ZBTB20: variants seen among roughly 807,000 people sequenced by gnomAD.
ZBTB20 encodes the protein zinc finger and BTB domain-containing protein 20.
A neutral mutation model predicts 56.9 loss-of-function variants in ZBTB20; 9 were observed. The observed-to-expected ratio is 0.16, with a 90% CI of 0.10 to 0.28. The LOEUF (loss-of-function observed/expected upper bound fraction) is 0.28, where lower values mean the gene tolerates loss of function less well. ZBTB20 is among the 10% of genes least tolerant of loss of function. The pLI is 1.00. For missense variants in ZBTB20, 655 were observed against 1,003.0 expected (o/e 0.65, Z 4.69); for synonymous variants, 417 against 420.7 (o/e 0.99, Z 0.11).
At chr3:114,365,091 T>C (rs2082265833) in intron 10 of ZBTB20, among the ~76,000 whole-genome samples, 1 of 152,148 alleles carries the variant, frequency 6.6e-6, no homozygotes, top group Admixed American at 6.6e-5. Context: ...TAAGTGTCTC[T>C]TTTCTTCCCT....
At chr3:114,578,587 TAA>T (rs1279514952) in intron 6 of ZBTB20, among the ~76,000 whole-genome samples, 14 of 151,996 alleles carry the variant, frequency 9.2e-5, no homozygotes, top group Admixed American at 6.5e-4. Context: ...AGATTATTTA[TAA>T]AGAGATAAAA....
intron 11 of ZBTB20, among the ~76,000 whole-genome samples, chr3:114,343,331 T>TA (rs1279024232): frequency 6.6e-6 from 1 of 152,196 alleles, no homozygotes. Context: ...CCCCTCATTT[T>TA]AACCAAGGCT....
intron 1 of ZBTB20, among the ~76,000 whole-genome samples, chr3:115,101,147 T>C (rs953088514): frequency 3.3e-5 from 5 of 152,200 alleles, no homozygotes; most frequent in Non-Finnish European, 7.3e-5. Context: ...GTATAGTACA[T>C]AGTGGTACAA....
intron 5 of ZBTB20, among the ~76,000 whole-genome samples, chr3:114,773,542 G>GTGTA (rs1244673465): frequency 6.6e-6 from 1 of 152,162 alleles, no homozygotes; most frequent in African/African-American, 2.4e-5. Flanking sequence ...AACACAGGGA[G>GTGTA]TGTATATCTA....
At chr3:115,110,484 C>T (rs2083845336) in intron 1 of ZBTB20, among the ~76,000 whole-genome samples, 2 of 152,096 alleles carry the variant, frequency 1.3e-5, no homozygotes, top group African/African-American at 4.8e-5. Context: ...AAATATCTAT[C>T]TTCTTCATTT....
intron 5 of ZBTB20, among the ~76,000 whole-genome samples, chr3:114,729,156 GAC>G (rs1231893050): frequency 2.6e-5 from 4 of 152,110 alleles, no homozygotes; most frequent in African/African-American, 9.7e-5. Context: ...CACCAAAATA[GAC>G]AACACAGTCC....
intron 2 of ZBTB20, among the ~76,000 whole-genome samples, chr3:115,065,699 G>T (rs1019528409): frequency 6.6e-6 from 1 of 152,102 alleles, no homozygotes; most frequent in Non-Finnish European, 1.5e-5. Context: ...CTATAAAAAG[G>T]TTATCAGAGA....
intron 7 of ZBTB20, among the ~76,000 whole-genome samples, chr3:114,411,356 A>C (rs897445485): frequency 2.0e-5 from 3 of 152,272 alleles, no homozygotes; most frequent in Middle Eastern, 3.4e-3. Context: ...TTCCAAAACT[A>C]ATTGGACAGT....
At chr3:114,715,483 G>T (rs183279550) in intron 5 of ZBTB20, among the ~76,000 whole-genome samples, 1 of 152,220 alleles carries the variant, frequency 6.6e-6, no homozygotes, top group Non-Finnish European at 1.5e-5. Context: ...GAGAGTGTGG[G>T]GTAGGCAGTA....
At chr3:114,550,235 C>T (rs1263764010) in intron 6 of ZBTB20, among the ~76,000 whole-genome samples, 1 of 152,116 alleles carries the variant, frequency 6.6e-6, no homozygotes, top group Non-Finnish European at 1.5e-5. Context: ...ACTGTGCCCA[C>T]CCTATAACTT....
chr3:114,375,483 T>G (rs2083504189), intron 10 of ZBTB20, among the ~76,000 whole-genome samples: 1 of 152,250 alleles, frequency 6.6e-6, no homozygotes. Context: ...GAATACAGCA[T>G]AGACTAAAAA....
chr3:115,106,059 G>A (rs1168344347), intron 1 of ZBTB20, among the ~76,000 whole-genome samples: 2 of 151,766 alleles, frequency 1.3e-5, no homozygotes, highest in Non-Finnish European at 2.9e-5. Flanking sequence ...CTTGTGATCC[G>A]CCCACCTCAG....
chr3:115,065,361 G>A (rs2082169690), intron 2 of ZBTB20, among the ~76,000 whole-genome samples: 1 of 151,970 alleles, frequency 6.6e-6, no homozygotes, highest in African/African-American at 2.4e-5. Context: ...TCTTAAACAG[G>A]TTCTGGAGTA....
intron 5 of ZBTB20, among the ~76,000 whole-genome samples, chr3:114,770,674 T>C (rs1205061730): frequency 6.6e-6 from 1 of 152,228 alleles, no homozygotes; most frequent in East Asian, 1.9e-4. Context: ...TACCTTCATT[T>C]TCATAAAAGG....
chr3:114,972,528 T>G (rs750553754), intron 3 of ZBTB20, among the ~76,000 whole-genome samples: 1 of 152,110 alleles, frequency 6.6e-6, no homozygotes, highest in African/African-American at 2.4e-5. Flanking sequence ...CCAGTAAAAG[T>G]AGAAAAATAA....
chr3:114,784,853 C>T (rs1418887019), intron 5 of ZBTB20, among the ~76,000 whole-genome samples: 1 of 152,186 alleles, frequency 6.6e-6, no homozygotes, highest in Non-Finnish European at 1.5e-5. Context: ...GAATTCAACA[C>T]ATTGACACTA....
chr3:115,071,164 C>T (rs1205108027), intron 2 of ZBTB20, 55 bp downstream of exon 2: 3 of 152,080 alleles, frequency 2.0e-5, no homozygotes, highest in African/African-American at 7.2e-5. Context: ...CAAGGGAAGT[C>T]ATTTCACAAA....
chr3:114,388,157 C>T (rs1215498511), intron 8 of ZBTB20: 1 of 152,180 alleles, frequency 6.6e-6, no homozygotes, highest in East Asian at 1.9e-4. Flanking sequence ...TGCCTCATAA[C>T]ATATAGGAAA....
At chr3:114,988,045 TTTTA>T (rs1210211577) in intron 2 of ZBTB20, among the ~76,000 whole-genome samples, 2 of 151,804 alleles carry the variant, frequency 1.3e-5, no homozygotes, top group Non-Finnish European at 2.9e-5. Context: ...GAAAGAAACT[TTTTA>T]TTTATTGTTT....
Sources: gnomAD v4.1 joint callset for allele counts (sites outside exome capture counted in the v4.1 genomes callset) on GRCh38, gnomAD v4.1.1 for gene constraint, MANE v1.5 for transcripts, NCBI Gene and HGNC (gene_info 2026-07-23, HGNC 2026-07-21) for gene names.